EXOC1: variants seen among roughly 807,000 people sequenced by gnomAD.
EXOC1 encodes SEC3-like 1.
A neutral mutation model predicts 107.7 loss-of-function variants in EXOC1; 67 were observed. The ratio of observed to expected loss-of-function variants is 0.62; its 90% CI spans 0.51 to 0.76. The LOEUF is 0.76. Ranked by LOEUF, EXOC1 falls within the 30% of genes least tolerant of loss-of-function variation. EXOC1 has a pLI of 0.00. For missense variants in EXOC1, 833 were observed against 1,055.7 expected (o/e 0.79, Z 2.92); for synonymous variants, 348 against 353.5 (o/e 0.98, Z 0.17).
At chr4:55,877,244 T>C in intron 8 of EXOC1, 1 of 985,426 alleles carries the variant, frequency 1.0e-6, no homozygotes, top group Non-Finnish European at 1.2e-6. Context: ...ACTCTAGCAG[T>C]CTGTGTAATT....
chr4:55,877,946 A>G lies in EXOC1; in HGVS notation c.1104A>G (p.Gln368=), dbSNP rs1021159453. The G allele has an allele frequency of 3.7e-6, 6 of 1,613,880 alleles. No homozygotes were observed. In the African/African-American group the frequency reaches 4.0e-5, roughly 11 times the overall value. The change falls in exon 9 of 19, where the codon CAA becomes CAG. Residue 368 remains glutamine, a synonymous_variant. Coordinates refer to ENST00000381295, the MANE Select transcript of EXOC1 (RefSeq NM_001024924.2). ...ATGATCAGAGTTCGACTCTTGCCCAACACTCTGTTGAACTGACTTTACCCA... is the reference window on the plus strand; with the variant it reads ...ATGATCAGAGTTCGACTCTTGCCCAGCACTCTGTTGAACTGACTTTACCCA... ...QGHDQSSTLA[Q]HSVELTLPNH...
At chr4:55,877,128 T>C in intron 8 of EXOC1, 5 of 976,416 alleles carry the variant, frequency 5.1e-6, no homozygotes, top group African/African-American at 1.7e-5. Context: ...CTTAAAAGAA[T>C]TTAAATTCAG....
At chr4:55,860,386 T>A in intron 2 of EXOC1, 25 bp from the exon 3 acceptor site, 1 of 1,612,104 alleles carries the variant, frequency 6.2e-7, no homozygotes, top group South Asian at 1.1e-5. Flanking sequence ...ATATTTCTAA[T>A]AAAAGTGTGC....
At chr4:55,879,164 T>C (rs1163602756) in intron 9 of EXOC1, among the ~76,000 whole-genome samples, 1 of 152,220 alleles carries the variant, frequency 6.6e-6, no homozygotes, top group African/African-American at 2.4e-5. Flanking sequence ...TGCTAACACT[T>C]GTAAGCACTT....
chr4:55,900,901 A>T (rs1725824587), intron 17 of EXOC1, among the ~76,000 whole-genome samples: 1 of 152,142 alleles, frequency 6.6e-6, no homozygotes, highest in African/African-American at 2.4e-5. Flanking sequence ...AAAAAAGAAT[A>T]TGTATCTGCT....
chr4:55,904,566 G>T lies in EXOC1; in HGVS notation c.*71G>T. ...AACAGACACTATACCAAAATACCAA[G>T]CAACTGTTTTGAGAACCCAGACTTA... On this transcript the variant is annotated 3_prime_UTR_variant, in exon 19 of 19. Transcript: ENST00000381295. 2.1e-6 allele frequency: 3 copies of T among 1,439,802 alleles called. No individual in the cohort carries two copies. Among genetic ancestry groups the T allele is most frequent in the South Asian group, 1.6e-5 (1 of 64,512 alleles). 89.2% of individuals were successfully genotyped at this position (1,439,802 alleles called of 1,614,324 possible). A position where few individuals can be genotyped will look rare whatever the true frequency, so the allele number is the denominator to read the frequency against.
chr4:55,892,187 T>A (rs1262640102), intron 13 of EXOC1, among the ~76,000 whole-genome samples: 1 of 151,954 alleles, frequency 6.6e-6, no homozygotes, highest in Non-Finnish European at 1.5e-5. Flanking sequence ...TGTTTATTTG[T>A]TGGCCTCTGT....
At chr4:55,877,816 T>C (rs1723038258) in intron 8 of EXOC1, 101 bp from the exon 9 acceptor site, 11 of 1,514,870 alleles carry the variant, frequency 7.3e-6, no homozygotes, top group South Asian at 2.5e-5. Context: ...CTATGTCTTA[T>C]TGGTTTGGCT....
chr4:55,898,940 G>T (rs1398147596), intron 16 of EXOC1, among the ~76,000 whole-genome samples: 1 of 151,910 alleles, frequency 6.6e-6, no homozygotes, highest in East Asian at 1.9e-4. Flanking sequence ...GGAATTACTG[G>T]GTCAAAGGAT....
Position 55,877,982 on chromosome 4 carries a change from A to G in EXOC1, c.1140A>G (p.Pro380=). The G allele has an allele frequency of 6.2e-7, 1 of 1,613,890 alleles. No homozygotes were observed. The change falls in exon 9 of 19, where the codon CCA becomes CCG. Residue 380 remains proline (P), a synonymous_variant. Transcript: ENST00000381295. The stretch of plus-strand genomic sequence containing the variant: ...AACTGACTTTACCCAATCATCATCC[A>G]TTTCATAGAGATTTGCTCCGATATG... ...SVELTLPNHH[P]FHRDLLRYAK...
chr4:55,896,694 C>T, intron 15 of EXOC1, 23 bp from the exon 16 acceptor site: 5 of 1,568,024 alleles, frequency 3.2e-6, no homozygotes, highest in Admixed American at 2.0e-5. Flanking sequence ...TATTTATCTC[C>T]CTTGCTCTCT....
intron 10 of EXOC1, among the ~76,000 whole-genome samples, chr4:55,887,439 C>T (rs1336896565): frequency 6.6e-6 from 1 of 152,018 alleles, no homozygotes; most frequent in Admixed American, 6.6e-5. Context: ...AAAGACCCTA[C>T]CTTTATGAAG....
intron 1 of EXOC1, among the ~76,000 whole-genome samples, chr4:55,856,847 CT>C (rs1325790620): frequency 6.6e-6 from 1 of 152,024 alleles, no homozygotes; most frequent in African/African-American, 2.4e-5. Flanking sequence ...AAAATTTACC[CT>C]TTTCAATTGT....
intron 1 of EXOC1, among the ~76,000 whole-genome samples, 151 bp from the exon 2 acceptor site, chr4:55,858,163 G>A (rs1054565982): frequency 1.3e-5 from 2 of 152,122 alleles, no homozygotes; most frequent in African/African-American, 4.8e-5. Context: ...CAAACTTACA[G>A]CTTTGTATTT....
rs532239377 is a variant in EXOC1 at position 55,881,359 on chromosome 4, C to T, written c.1225-2464C>T. 7.9e-5 allele frequency among the ~76,000 whole-genome samples: 12 copies of T among 152,248 alleles called. No homozygotes were observed. The South Asian group carries it at 8.3e-4, about 11-fold the overall frequency. On this transcript the variant is annotated intron_variant, in intron 9 of 18. Coordinates refer to ENST00000381295, the MANE Select transcript of EXOC1 (RefSeq NM_001024924.2). Reference sequence around the variant, plus strand: ...CTTGAAGATGACTCACATGTCTTCTCTCCACCTCAGTTTTACATTTGTAGA... The same window carrying T: ...CTTGAAGATGACTCACATGTCTTCTTTCCACCTCAGTTTTACATTTGTAGA...
At chr4:55,867,579 A>G (rs897379330) in intron 4 of EXOC1, among the ~76,000 whole-genome samples, 1 of 151,976 alleles carries the variant, frequency 6.6e-6, no homozygotes, top group Non-Finnish European at 1.5e-5. Flanking sequence ...AAAAAAAAAA[A>G]ATGAACTGAA....
intron 4 of EXOC1, among the ~76,000 whole-genome samples, 172 bp from the exon 5 acceptor site, chr4:55,868,164 T>G (rs1262952446): frequency 1.3e-5 from 2 of 152,202 alleles, no homozygotes; most frequent in African/African-American, 4.8e-5. Flanking sequence ...ATTAACATAT[T>G]AAATTATTTA....
At chr4:55,862,277 A>C (rs1046022899) in intron 3 of EXOC1, among the ~76,000 whole-genome samples, 4 of 151,066 alleles carry the variant, frequency 2.6e-5, no homozygotes, top group African/African-American at 9.7e-5. Context: ...ATTTGAATGC[A>C]TTCTCACAGC....
chr4:55,884,527 T>A (rs1723692172), intron 10 of EXOC1, among the ~76,000 whole-genome samples: 1 of 152,218 alleles, frequency 6.6e-6, no homozygotes, highest in Middle Eastern at 3.2e-3. Flanking sequence ...TTTATAAGTA[T>A]TTTAAATGGA....
Sources: gnomAD v4.1 joint callset for allele counts (sites outside exome capture counted in the v4.1 genomes callset) on GRCh38, gnomAD v4.1.1 for gene constraint, MANE v1.5 for transcripts, NCBI Gene and HGNC (gene_info 2026-07-23, HGNC 2026-07-21) for gene names.